RALYL: variants seen among roughly 807,000 people sequenced by gnomAD.
The protein encoded by RALYL is RALY RNA binding protein like, also known as RNA-binding Raly-like protein.
In RALYL, 29 loss-of-function variants were observed where a neutral mutation model predicts 35.1. The ratio of observed to expected loss-of-function variants is 0.83; its 90% CI spans 0.61 to 1.13. The LOEUF is 1.13. Among genes scored for constraint, RALYL ranks in the 50% most tolerant of loss-of-function variants. The pLI, the probability that RALYL is intolerant of heterozygous loss-of-function variation, is 0.00. For synonymous variants in RALYL, 120 were observed against 127.6 expected (o/e 0.94, Z 0.40); for missense variants, 359 against 360.4 (o/e 1.00, Z 0.03).
chr8:84,508,546 ATAATT>A (rs199620950), intron 1 of RALYL, among the ~76,000 whole-genome samples: 2,385 of 152,236 alleles, frequency 0.016, 61 homozygotes, highest in African/African-American at 0.054. Context: ...AATATAAAAC[ATAATT>A]TAAATTAAAA....
At chr8:84,864,439 A>G (rs1242956034) in intron 6 of RALYL, among the ~76,000 whole-genome samples, 1 of 152,202 alleles carries the variant, frequency 6.6e-6, no homozygotes, top group Non-Finnish European at 1.5e-5. Flanking sequence ...AGGACAATCA[A>G]GACAAATGAT....
chr8:84,501,654 C>T (rs1278892836), intron 1 of RALYL, among the ~76,000 whole-genome samples: 2 of 151,682 alleles, frequency 1.3e-5, no homozygotes, highest in Admixed American at 6.6e-5. Context: ...TAGATTATAT[C>T]GACCCATGTC....
chr8:84,861,018 A>T (rs76081505), intron 5 of RALYL, among the ~76,000 whole-genome samples: 3,289 of 152,242 alleles, frequency 0.022, 243 homozygotes, highest in Admixed American at 0.15. Context: ...TTTCATCTGT[A>T]TGTATAAACA....
intron 1 of RALYL, among the ~76,000 whole-genome samples, chr8:84,388,730 T>A (rs1294550951): frequency 6.6e-6 from 1 of 152,136 alleles, no homozygotes; most frequent in Non-Finnish European, 1.5e-5. Context: ...TCATTGTAGA[T>A]TCTGGATATT....
intron 1 of RALYL, among the ~76,000 whole-genome samples, chr8:84,386,861 A>T (rs995049193): frequency 2.6e-5 from 4 of 151,812 alleles, no homozygotes; most frequent in African/African-American, 9.7e-5. Context: ...TTCCTCTGAA[A>T]ATGTTGCCTG....
chr8:84,663,087 G>T (rs866465332), intron 2 of RALYL, among the ~76,000 whole-genome samples: 2 of 152,036 alleles, frequency 1.3e-5, no homozygotes, highest in African/African-American at 2.4e-5. Flanking sequence ...TGTGGTGTTT[G>T]GTTTTCTGTT....
At chr8:84,869,267 G>A (rs1839751115) in intron 6 of RALYL, among the ~76,000 whole-genome samples, 1 of 152,096 alleles carries the variant, frequency 6.6e-6, no homozygotes, top group South Asian at 2.1e-4. Flanking sequence ...GGAAAATCAT[G>A]TACATCATCA....
intron 4 of RALYL, among the ~76,000 whole-genome samples, chr8:84,816,694 G>C (rs1336237265): frequency 1.3e-5 from 2 of 152,104 alleles, no homozygotes; most frequent in African/African-American, 4.8e-5. Context: ...AGACCTATTT[G>C]ATTGCACAAC....
At chr8:84,405,736 G>A (rs2043407383) in intron 1 of RALYL, among the ~76,000 whole-genome samples, 1 of 151,408 alleles carries the variant, frequency 6.6e-6, no homozygotes, top group Non-Finnish European at 1.5e-5. Flanking sequence ...ATTTTTGTAG[G>A]ATATTACATA....
intron 1 of RALYL, among the ~76,000 whole-genome samples, chr8:84,443,378 A>G (rs939416305): frequency 1.3e-5 from 2 of 152,132 alleles, no homozygotes; most frequent in Admixed American, 6.6e-5. Flanking sequence ...TAACTAGCAC[A>G]TTGCAGAGAT....
chr8:84,815,488 T>A (rs1442688791), intron 4 of RALYL, among the ~76,000 whole-genome samples: 4 of 148,962 alleles, frequency 2.7e-5, no homozygotes, highest in African/African-American at 9.8e-5. Flanking sequence ...AAATAAAATA[T>A]ATTTATAAAA....
chr8:84,327,493 A>T (rs768111358), intron 1 of RALYL, among the ~76,000 whole-genome samples: 37 of 152,240 alleles, frequency 2.4e-4, no homozygotes, highest in Middle Eastern at 3.4e-3. Context: ...CTTGCAACCT[A>T]GGGTCCATAG....
intron 2 of RALYL, among the ~76,000 whole-genome samples, chr8:84,641,191 C>G: frequency 6.6e-6 from 1 of 151,198 alleles, no homozygotes; most frequent in Non-Finnish European, 1.5e-5. Flanking sequence ...TCTCTCTCCC[C>G]TGCTTACTGG....
intron 2 of RALYL, among the ~76,000 whole-genome samples, chr8:84,741,029 GT>G (rs1440398098): frequency 1.3e-5 from 2 of 151,936 alleles, no homozygotes; most frequent in Non-Finnish European, 2.9e-5. Flanking sequence ...AGGATGGAGG[GT>G]TTTTTAATAT....
intron 2 of RALYL, among the ~76,000 whole-genome samples, chr8:84,766,720 CA>C (rs751821694): frequency 0.012 from 213 of 18,012 alleles, no homozygotes; most frequent in Middle Eastern, 0.031. Context: ...GAGACTGTCT[CA>C]AAAAAAAAAA....
intron 3 of RALYL, among the ~76,000 whole-genome samples, chr8:84,789,515 T>C (rs941833006): frequency 1.3e-5 from 2 of 152,164 alleles, no homozygotes; most frequent in African/African-American, 2.4e-5. Flanking sequence ...CAACTCAATA[T>C]AGCAAATCTC....
intron 4 of RALYL, among the ~76,000 whole-genome samples, chr8:84,845,298 A>T (rs985251254): frequency 2.0e-5 from 3 of 152,260 alleles, no homozygotes; most frequent in Non-Finnish European, 4.4e-5. Flanking sequence ...ACTCAAATAT[A>T]TTTATTGGAA....
At chr8:84,543,970 CCACAATA>C (rs1438663015) in intron 2 of RALYL, among the ~76,000 whole-genome samples, 2 of 151,986 alleles carry the variant, frequency 1.3e-5, no homozygotes, top group Non-Finnish European at 2.9e-5. Context: ...TTGCTTTATC[CCACAATA>C]CACCTATAAG....
At chr8:84,647,964 T>C (rs1196035494) in intron 2 of RALYL, among the ~76,000 whole-genome samples, 1 of 152,120 alleles carries the variant, frequency 6.6e-6, no homozygotes, top group African/African-American at 2.4e-5. Context: ...CATTAAATGG[T>C]CCATGTCAAA....
Sources: gnomAD v4.1 joint callset for allele counts (sites outside exome capture counted in the v4.1 genomes callset) on GRCh38, gnomAD v4.1.1 for gene constraint, MANE v1.5 for transcripts, NCBI Gene and HGNC (gene_info 2026-07-23, HGNC 2026-07-21) for gene names.